The following SLC1A6 variants were observed in gnomAD, a reference collection of about 807,000 sequenced individuals.
SLC1A6 encodes solute carrier family 1 member 6, also known as excitatory amino acid transporter 4.
A neutral mutation model predicts 42.1 loss-of-function variants in SLC1A6; 15 were observed. The observed-to-expected ratio is 0.36, with a 90% CI of 0.24 to 0.55. SLC1A6 has a LOEUF of 0.55. Ranked by LOEUF, SLC1A6 falls within the 20% of genes least tolerant of loss-of-function variation. SLC1A6 has a pLI of 0.88. For missense variants in SLC1A6, 542 were observed against 772.5 expected (o/e 0.70, Z 3.54); for synonymous variants, 317 against 319.7 (o/e 0.99, Z 0.09).
intron 6 of SLC1A6, among the ~76,000 whole-genome samples, chr19:14,960,785 G>T (rs1425035772): frequency 1.3e-5 from 2 of 152,190 alleles, no homozygotes; most frequent in African/African-American, 2.4e-5. Flanking sequence ...GGAGATTGGG[G>T]AGATGTTGAT....
intron 1 of SLC1A6, among the ~76,000 whole-genome samples, chr19:15,004,951 C>T (rs1454823955): frequency 6.6e-6 from 1 of 152,142 alleles, no homozygotes; most frequent in Non-Finnish European, 1.5e-5. Context: ...AATCCCAGCC[C>T]AGCAATGAAT....
At chr19:14,962,818 G>A (rs183551191) in intron 5 of SLC1A6, among the ~76,000 whole-genome samples, 1,570 of 152,152 alleles carry the variant, frequency 0.01, 19 homozygotes, top group Admixed American at 0.019. Context: ...CAGGAGAATC[G>A]CTTGAACCTG....
intron 9 of SLC1A6, 141 bp from the exon 10 acceptor site, chr19:14,950,531 C>T (rs186098725): frequency 3.7e-5 from 19 of 508,992 alleles, no homozygotes; most frequent in Non-Finnish European, 5.8e-5. Flanking sequence ...TGTCCCCAAG[C>T]AGGTTCTTCC....
At chr19:14,954,060 C>A in intron 8 of SLC1A6, 75 bp downstream of exon 8, 1 of 1,219,018 alleles carries the variant, frequency 8.2e-7, no homozygotes, top group Non-Finnish European at 1.2e-6. Flanking sequence ...CCCCTCCTCC[C>A]TCCCCAACCC....
At chr19:14,961,453 G>A (rs994634731) in intron 6 of SLC1A6, 1 of 152,310 alleles carries the variant, frequency 6.6e-6, no homozygotes, top group African/African-American at 2.4e-5. Flanking sequence ...GTCAGTGAAT[G>A]GCTTGGTCAA....
At position 14,971,742 on chromosome 19, in the gene SLC1A6, A is replaced by C. The variant is rs2045642608; in HGVS notation, c.338T>G (p.Val113Gly). 1 of 1,613,822 alleles carries C rather than the reference A, an allele frequency of 6.2e-7. No individual in the cohort carries two copies. The highest frequency in any genetic ancestry group is 1.3e-5 in the African/African-American group (1 of 74,920). The change falls in exon 3 of 10, where the codon GTC (valine) becomes GGC (glycine). Residue 113 changes from valine (V) to glycine (G), a missense_variant. By Grantham distance (109) the Val-to-Gly change is moderately radical (BLOSUM62 -3). Around this residue, in one of 6 missense-constraint regions of SLC1A6, gnomAD observed 298 missense variants for 419.4 expected, o/e 0.71. Coordinates refer to ENST00000594383, the MANE Select transcript of SLC1A6 (RefSeq NM_005071.3). ...ACTGGCCTGGGCTCTCTCACCTGTG[A>C]CCAGGCTGGAGACAATGAGAGGTAA... The part of the protein sequence containing the change: ...LVLPLIVSSL[V>G]TGMASLDNKA...
intron 1 of SLC1A6, among the ~76,000 whole-genome samples, chr19:14,986,977 C>T (rs2045795934): frequency 6.6e-6 from 1 of 152,126 alleles, no homozygotes; most frequent in Non-Finnish European, 1.5e-5. Context: ...ATGATAGACA[C>T]TGTTACTCGC....
intron 4 of SLC1A6, among the ~76,000 whole-genome samples, chr19:14,965,061 C>A (rs1044939871): frequency 4.6e-5 from 7 of 151,718 alleles, no homozygotes; most frequent in Non-Finnish European, 1.0e-4. Context: ...GCTCTGTCGC[C>A]CAGGCTGGAG....
chr19:14,962,950 C>T (rs1242609869), intron 5 of SLC1A6, among the ~76,000 whole-genome samples: 1 of 152,116 alleles, frequency 6.6e-6, no homozygotes, highest in Non-Finnish European at 1.5e-5. Flanking sequence ...AATCCCACTA[C>T]TGTATATATC....
At chr19:14,952,784 G>C in intron 9 of SLC1A6, 144 bp downstream of exon 9, 1 of 948,664 alleles carries the variant, frequency 1.1e-6, no homozygotes, top group Non-Finnish European at 1.5e-6. Context: ...TGGATTGGAG[G>C]CCTCTCCAAG....
upstream of SLC1A6, among the ~76,000 whole-genome samples, chr19:14,983,642 C>T (rs771515912): frequency 1.4e-5 from 2 of 147,050 alleles, no homozygotes; most frequent in Non-Finnish European, 3.0e-5. Flanking sequence ...GACCTATGAT[C>T]GTACCACTGC....
intron 7 of SLC1A6, 83 bp from the exon 8 acceptor site, chr19:14,954,412 G>A (rs1213556737): frequency 7.7e-7 from 1 of 1,291,050 alleles, no homozygotes; most frequent in Non-Finnish European, 1.1e-6. Flanking sequence ...TAGTGGGGCA[G>A]GGCAGAGAAT....
At chr19:14,953,144 G>T in intron 8 of SLC1A6, 82 bp from the exon 9 acceptor site, 1 of 1,071,150 alleles carries the variant, frequency 9.3e-7, no homozygotes, top group Non-Finnish European at 1.4e-6. Flanking sequence ...AGAGAGAAGG[G>T]AAGAGATCAG....
At chr19:15,010,193 A>AG (rs1424245042) in intron 1 of SLC1A6, among the ~76,000 whole-genome samples, 1 of 107,786 alleles carries the variant, frequency 9.3e-6, no homozygotes, top group East Asian at 4.9e-4. Context: ...GAAAAAAAAA[A>AG]AAAAGAAAGA....
intron 1 of SLC1A6, among the ~76,000 whole-genome samples, chr19:14,987,977 G>A (rs1421554221): frequency 6.6e-6 from 1 of 152,128 alleles, no homozygotes; most frequent in Non-Finnish European, 1.5e-5. Context: ...TACTGCCTCA[G>A]CCTCCCAAGT....
At chr19:15,009,888 T>C (rs1339552689) in intron 1 of SLC1A6, among the ~76,000 whole-genome samples, 1 of 151,482 alleles carries the variant, frequency 6.6e-6, no homozygotes, top group Non-Finnish European at 1.5e-5. Context: ...CGAAAGAAAA[T>C]GTAAGACTAA....
intron 1 of SLC1A6, among the ~76,000 whole-genome samples, chr19:14,986,101 ATT>A (rs34189680): frequency 1.8e-3 from 261 of 145,784 alleles, no homozygotes; most frequent in Middle Eastern, 3.5e-3. Context: ...ACAAGCAGTA[ATT>A]TTTTTTTTTT....
chr19:14,972,565 G>C, intron 2 of SLC1A6, 141 bp downstream of exon 2: 2 of 661,826 alleles, frequency 3.0e-6, no homozygotes, highest in Non-Finnish European at 5.4e-6. Context: ...TTATGTGGGG[G>C]GTTGAGGGTG....
chr19:14,981,949 G>A (rs76052202), upstream of SLC1A6, among the ~76,000 whole-genome samples: 7,575 of 151,970 alleles, frequency 0.05, 405 homozygotes, highest in African/African-American at 0.13. Context: ...GACCGCTTGA[G>A]TCCAAGAGGT....
Sources: gnomAD v4.1 joint callset for allele counts (sites outside exome capture counted in the v4.1 genomes callset) on GRCh38, gnomAD v4.1.1 for gene constraint, gnomAD v4.1.1 regional missense constraint, MANE v1.5 for transcripts, NCBI Gene and HGNC (gene_info 2026-07-23, HGNC 2026-07-21) for gene names.